AKAP13: variants seen among roughly 807,000 people sequenced by gnomAD.
The protein encoded by AKAP13 is A-kinase anchor protein 13.
AKAP13 carries 80 observed loss-of-function variants against 264.5 expected under a neutral mutation model. The ratio of observed to expected loss-of-function variants is 0.30; its 90% CI spans 0.25 to 0.36. The LOEUF (loss-of-function observed/expected upper bound fraction) is 0.36. AKAP13 is among the 10% of genes least tolerant of loss of function. AKAP13 has a pLI of 1.00. For synonymous variants in AKAP13, 1,380 were observed against 1,250.2 expected, an observed-to-expected ratio of 1.10 and a Z score of -2.19; for missense variants, 3,712 against 3,435.2, an observed-to-expected ratio of 1.08 and a Z score of -2.01.
At chr15:85,504,583 T>C (rs1421873723) in intron 2 of AKAP13, among the ~76,000 whole-genome samples, 2 of 148,048 alleles carry the variant, frequency 1.4e-5, no homozygotes, top group Non-Finnish European at 3.0e-5. Context: ...TCCCAGCTAT[T>C]TGGGAGGCTG....
chr15:85,521,059 C>T (rs35179524), intron 2 of AKAP13, among the ~76,000 whole-genome samples: 18,304 of 152,128 alleles, frequency 0.12, 1,551 homozygotes, highest in South Asian at 0.34. Flanking sequence ...TATTATACCC[C>T]CTCCATCCTC....
chr15:85,586,345 T>C (rs1394807655), intron 8 of AKAP13, among the ~76,000 whole-genome samples: 1 of 152,080 alleles, frequency 6.6e-6, no homozygotes, highest in African/African-American at 2.4e-5. Context: ...TAGCTGAAAT[T>C]ACAGGCATGC....
intron 8 of AKAP13, among the ~76,000 whole-genome samples, chr15:85,618,624 T>TG (rs1264446514): frequency 1.3e-5 from 2 of 151,878 alleles, no homozygotes; most frequent in African/African-American, 2.4e-5. Flanking sequence ...TTAGATAGAG[T>TG]GGGGGGCTAG....
At chr15:85,518,660 T>C (rs1418969505) in intron 2 of AKAP13, among the ~76,000 whole-genome samples, 2 of 152,150 alleles carry the variant, frequency 1.3e-5, no homozygotes, top group African/African-American at 4.8e-5. Flanking sequence ...TAGGGATACC[T>C]GATCTCTACA....
chr15:85,550,185 G>C (rs12911786), intron 5 of AKAP13, among the ~76,000 whole-genome samples: 31,124 of 152,156 alleles, frequency 0.2, 4,224 homozygotes, highest in Middle Eastern at 0.41. Context: ...AAAGTGCTGG[G>C]ATTACAGACG....
At chr15:85,396,071 A>G (rs926705518) in intron 1 of AKAP13, among the ~76,000 whole-genome samples, 8 of 152,280 alleles carry the variant, frequency 5.3e-5, no homozygotes, top group Admixed American at 3.9e-4. Flanking sequence ...ACATACATGT[A>G]TATATTAAAC....
intron 2 of AKAP13, among the ~76,000 whole-genome samples, chr15:85,494,885 G>A (rs2075828847): frequency 6.6e-6 from 1 of 151,898 alleles, no homozygotes; most frequent in Admixed American, 6.6e-5. Context: ...TGTAGCAATT[G>A]GAAGATGAAG....
intron 5 of AKAP13, among the ~76,000 whole-genome samples, chr15:85,557,075 G>C (rs2078177794): frequency 6.6e-6 from 1 of 152,152 alleles, no homozygotes; most frequent in African/African-American, 2.4e-5. Context: ...ATACCTCTTA[G>C]TGCCATTTTA....
intron 3 of AKAP13, among the ~76,000 whole-genome samples, chr15:85,532,284 A>G (rs1421541068): frequency 2.6e-5 from 4 of 152,222 alleles, no homozygotes; most frequent in Non-Finnish European, 4.4e-5. Context: ...TATTATTCTG[A>G]TTACATGGAA....
intron 1 of AKAP13, among the ~76,000 whole-genome samples, chr15:85,435,766 T>C (rs1055114781): frequency 4.8e-5 from 7 of 145,164 alleles, no homozygotes; most frequent in South Asian, 2.2e-4. Context: ...AAGCAAATGC[T>C]GAGAGATTTT....
rs780400697 is a variant in AKAP13, at chr15:85,715,778, C to T, written c.5600-10C>T. On this transcript the variant is annotated splice_polypyrimidine_tract_variant and intron_variant, in intron 19 of 36. Transcript: ENST00000394518. ...TGGGTGATGCTTCAGTTAGTGTCCT[C>T]CTTTTGCAGCCTCACAGCCCAAGGA... The T allele has an allele frequency of 2.3e-5, 37 of 1,604,902 alleles. No individual in the cohort carries two copies. The highest frequency in any genetic ancestry group is 3.0e-5 in the Non-Finnish European group (35 of 1,177,910).
rs760570579 is a variant in AKAP13 at position 85,580,428 on chromosome 15, T to C, written c.2360T>C (p.Leu787Pro). Residue 787 changes from leucine (L) to proline (P), a missense_variant, in exon 7 of 37, where the codon CTG becomes CCG. Coordinates refer to ENST00000394518, the MANE Select transcript of AKAP13 (RefSeq NM_007200.5). ...GTAATATCAGACAGTACTTTCTCTCTGGCAAACAGTCCAGGCAGTGAATCA... is the reference window on the plus strand; with the variant it reads ...GTAATATCAGACAGTACTTTCTCTCCGGCAAACAGTCCAGGCAGTGAATCA... Reference protein sequence around the residue: ...QAVISDSTFSLANSPGSESVT... With the variant: ...QAVISDSTFSPANSPGSESVT... The C allele has an allele frequency of 1.2e-6, 2 of 1,614,250 alleles. No individual in the cohort carries two copies. Among genetic ancestry groups the C allele is most frequent in the Non-Finnish European group, 8.5e-7 (1 of 1,180,040 alleles).
At chr15:85,384,785 C>T (rs1249867842) in intron 1 of AKAP13, among the ~76,000 whole-genome samples, 1 of 151,734 alleles carries the variant, frequency 6.6e-6, no homozygotes, top group Non-Finnish European at 1.5e-5. Context: ...AGTTTGTTTC[C>T]TGCGTTTGTC....
rs537583407 is a variant in AKAP13 at position 85,464,099 on chromosome 15, G to A, written c.-11-21611G>A. Among the ~76,000 whole-genome samples the A allele has an allele frequency of 1.2e-4, 19 of 152,178 alleles. No individual in the cohort carries two copies. The South Asian group carries it at 2.7e-3, about 22-fold the overall frequency. On this transcript the variant is annotated intron_variant, in intron 1 of 36. Transcript: ENST00000394518. Reference sequence around the variant, plus strand: ...ATGATCACTCTTCCCTTTCCCACACGGCGTCTATGATCCAACAACCAAAGG... The same window carrying A: ...ATGATCACTCTTCCCTTTCCCACACAGCGTCTATGATCCAACAACCAAAGG...
Position 85,575,236 on chromosome 15 carries a change from C to G in AKAP13, c.768C>G (p.Thr256=). 6.2e-7 allele frequency: 1 copy of G among 1,614,126 alleles called. No individual in the cohort carries two copies. The change falls in exon 6 of 37, where the codon ACC becomes ACG. Residue 256 remains threonine, a synonymous_variant. Transcript: ENST00000394518. ...HHRELDIYTL[T]SESDSHHEHP... ...GAGAGTTGGACATCTATACATTAAC[C>G]TCTGAGTCTGATTCACATCATGAAC...
At chr15:85,706,237 G>C (rs2086245406) in intron 17 of AKAP13, among the ~76,000 whole-genome samples, 1 of 152,174 alleles carries the variant, frequency 6.6e-6, no homozygotes, top group Non-Finnish European at 1.5e-5. Context: ...CCAGCTGCAA[G>C]TCCTGGGCAT....
intron 5 of AKAP13, among the ~76,000 whole-genome samples, chr15:85,567,941 GGTGTGTGTGT>G (rs57049395): frequency 1.6e-3 from 227 of 141,880 alleles, no homozygotes; most frequent in African/African-American, 4.0e-3. Context: ...AGCCCAAAGA[GGTGTGTGTGT>G]GTGTGTGTGT....
intron 3 of AKAP13, among the ~76,000 whole-genome samples, chr15:85,531,354 A>G (rs2077236354): frequency 6.6e-6 from 1 of 152,188 alleles, no homozygotes; most frequent in Non-Finnish European, 1.5e-5. Context: ...ATGAACCGTA[A>G]ATCTCTGGGG....
At chr15:85,479,643 G>A (rs1316023638) in intron 1 of AKAP13, among the ~76,000 whole-genome samples, 1 of 152,188 alleles carries the variant, frequency 6.6e-6, no homozygotes. Flanking sequence ...GTCAATTGAT[G>A]TGGTAGGTAT....
Sources: allele counts gnomAD v4.1 joint callset (sites outside exome capture counted in the v4.1 genomes callset), GRCh38; gene constraint gnomAD v4.1.1; transcripts MANE v1.5; gene names NCBI Gene and HGNC (gene_info 2026-07-23, HGNC 2026-07-21).